The following BRME1 variants were observed in gnomAD, a reference collection of about 807,000 sequenced individuals.
BRME1 encodes BRCA2 and MEILB2-associating protein 1.
Under a neutral mutation model 52.6 loss-of-function variants are expected in BRME1, and 31 were observed. That is an observed-to-expected ratio of 0.59 (90% confidence interval 0.44 to 0.80). BRME1 has a LOEUF of 0.80. Ranked by LOEUF, BRME1 falls within the 30% of genes least tolerant of loss-of-function variation. BRME1 has a pLI of 0.00. For synonymous variants in BRME1, 359 were observed against 353.6 expected, an observed-to-expected ratio of 1.02 and a Z score of -0.17; for missense variants, 804 against 860.3, an observed-to-expected ratio of 0.93 and a Z score of 0.82.
At chr19:13,897,701 A>G (rs1186251018) in intron 2 of BRME1, among the ~76,000 whole-genome samples, 1 of 152,070 alleles carries the variant, frequency 6.6e-6, no homozygotes, top group Non-Finnish European at 1.5e-5. Flanking sequence ...CCCTGTCTAA[A>G]AAGTACGAAA....
intron 6 of BRME1, among the ~76,000 whole-genome samples, chr19:13,886,536 G>A (rs1174404007): frequency 6.6e-6 from 1 of 152,182 alleles, no homozygotes; most frequent in Non-Finnish European, 1.5e-5. Flanking sequence ...TATAACACGA[G>A]GGGAAAACTC....
At chr19:13,890,488 C>T (rs761715891) in intron 5 of BRME1, 26 bp from the exon 6 acceptor site, 13 of 1,453,552 alleles carry the variant, frequency 8.9e-6, no homozygotes, top group Middle Eastern at 1.8e-4. Context: ...GACTCAGCCC[C>T]GGGGCCTTTG....
At chr19:13,905,006 T>G in intron 1 of BRME1, 93 bp from the exon 2 acceptor site, 1 of 1,013,338 alleles carries the variant, frequency 9.9e-7, no homozygotes, top group Non-Finnish European at 1.5e-6. Context: ...TACCCCTACC[T>G]CCACCTCAGC....
intron 3 of BRME1, among the ~76,000 whole-genome samples, chr19:13,893,734 T>C (rs534973721): frequency 4.1e-4 from 62 of 151,896 alleles, no homozygotes; most frequent in Admixed American, 9.2e-4. Flanking sequence ...CTGAGCAACA[T>C]AGTGAGACCC....
intron 7 of BRME1, 36 bp downstream of exon 7, chr19:13,885,925 G>T (rs1377012136): frequency 1.3e-6 from 2 of 1,583,432 alleles, no homozygotes; most frequent in Admixed American, 3.5e-5. Context: ...AATTTGTGAG[G>T]GTCCTGGAGC....
At position 13,883,809 on chromosome 19, in the gene BRME1, C is replaced by T. The variant is rs1233556754; in HGVS notation, c.1764-409G>A. 1.3e-5 allele frequency among the ~76,000 whole-genome samples: 2 copies of T among 151,770 alleles called. No individual in the cohort carries two copies. Among genetic ancestry groups the T allele is most frequent in the African/African-American group, 4.8e-5 (2 of 41,294 alleles). On this transcript the variant is annotated intron_variant, in intron 7 of 8. Coordinates refer to ENST00000586783, the MANE Select transcript of BRME1 (RefSeq NM_001345843.2). The surrounding 1 kb of genome is among the most constrained non-coding windows in gnomAD (Gnocchi z 4.2). ...TCCCCTCGGCTCTAGCCACACTAGACTCCTGGCCATTCCTTGAGCACCTCT... is the reference window on the plus strand; with the variant it reads ...TCCCCTCGGCTCTAGCCACACTAGATTCCTGGCCATTCCTTGAGCACCTCT...
At chr19:13,893,285 T>C in intron 3 of BRME1, 62 bp from the exon 4 acceptor site, 1 of 1,421,396 alleles carries the variant, frequency 7.0e-7, no homozygotes, top group East Asian at 2.5e-5. Flanking sequence ...ACACCTGTAA[T>C]TGCAGCACTT....
intron 2 of BRME1, among the ~76,000 whole-genome samples, chr19:13,896,450 CTTGTA>C (rs1434890824): frequency 1.4e-5 from 2 of 142,040 alleles, no homozygotes; most frequent in Admixed American, 7.2e-5. Context: ...ACATTATATC[CTTGTA>C]TTATATTATA....
In BRME1 at chr19:13,883,433, C is replaced by T. The variant is rs777699202; in HGVS notation, c.1764-33G>A. On this transcript the variant is annotated intron_variant, in intron 7 of 8. Coordinates refer to ENST00000586783, the MANE Select transcript of BRME1 (RefSeq NM_001345843.2). This position sits in a 1 kb window ranked among gnomAD's most constrained non-coding sequence, Gnocchi z 4.2. ...GCAGGGAAGGAAATTGAGAGTGGCC[C>T]GACCTCACTGGACTACCAGAGCTCT... 9.8e-5 allele frequency: 145 copies of T among 1,475,868 alleles called. No homozygotes were observed. Among genetic ancestry groups the T allele is most frequent in the Non-Finnish European group, 1.2e-4 (136 of 1,093,234 alleles). 91.4% of individuals were successfully genotyped at this position (1,475,868 alleles called of 1,614,324 possible).
At chr19:13,896,241 G>A (rs2145195362) in intron 2 of BRME1, among the ~76,000 whole-genome samples, 1 of 151,394 alleles carries the variant, frequency 6.6e-6, no homozygotes, top group African/African-American at 2.4e-5. Context: ...CTGCACTCCA[G>A]CCTGGTTGAC....
intron 2 of BRME1, among the ~76,000 whole-genome samples, chr19:13,901,569 G>A (rs891761842): frequency 1.5e-4 from 22 of 151,672 alleles, no homozygotes; most frequent in African/African-American, 4.8e-4. Flanking sequence ...CATGGTGGCA[G>A]GTACCTGTAA....
intron 5 of BRME1, among the ~76,000 whole-genome samples, chr19:13,890,885 G>A (rs1165590441): frequency 2.6e-5 from 4 of 151,928 alleles, no homozygotes; most frequent in Non-Finnish European, 5.9e-5. Context: ...AAAATTAGTG[G>A]CAAAAACTGC....
chr19:13,885,856 C>G, intron 7 of BRME1, 105 bp downstream of exon 7: 1 of 935,368 alleles, frequency 1.1e-6, no homozygotes, highest in Non-Finnish European at 1.7e-6. Context: ...CTGAGGAAGT[C>G]GAGGCCCAGG....
In BRME1 at chr19:13,889,637, G is replaced by T. The variant is rs145714071; in HGVS notation, c.1219C>A (p.Pro407Thr). 1.2e-6 allele frequency: 2 copies of T among 1,607,546 alleles called. No homozygotes were observed. Among genetic ancestry groups the T allele is most frequent in the Non-Finnish European group, 1.7e-6 (2 of 1,176,528 alleles). Residue 407 changes from proline (P) to threonine (T), a missense_variant, in exon 6 of 9, where the codon CCC (proline) becomes ACC (threonine). Coordinates refer to ENST00000586783, the MANE Select transcript of BRME1 (RefSeq NM_001345843.2). Reference protein sequence around the residue: ...ESGEAGQDGKPPGDVLVGPTA... With the variant: ...ESGEAGQDGKTPGDVLVGPTA... ...GGGCCCACTAGGACATCGCCGGGGGGCTTGCCATCCTGCCCTGCCTCCCCA... is the reference window on the plus strand; with the variant it reads ...GGGCCCACTAGGACATCGCCGGGGGTCTTGCCATCCTGCCCTGCCTCCCCA...
At chr19:13,893,109 T>C in intron 4 of BRME1, 33 bp downstream of exon 4, 2 of 1,566,964 alleles carry the variant, frequency 1.3e-6, no homozygotes, top group Non-Finnish European at 1.7e-6. Context: ...GCAGTGGTGC[T>C]TCTATATCCA....
At chr19:13,889,118 G>A (rs1969252988) in intron 6 of BRME1, 70 bp downstream of exon 6, 3 of 1,404,822 alleles carry the variant, frequency 2.1e-6, no homozygotes, top group East Asian at 4.7e-5. Flanking sequence ...TGCACCGAGT[G>A]AGGAGGGGGC....
intron 3 of BRME1, among the ~76,000 whole-genome samples, chr19:13,893,782 T>C (rs1227795266): frequency 6.6e-6 from 1 of 151,976 alleles, no homozygotes; most frequent in African/African-American, 2.4e-5. Context: ...CTGGACGTGG[T>C]GATGTGTGCC....
At chr19:13,890,816 GAGAT>G (rs1969436590) in intron 5 of BRME1, among the ~76,000 whole-genome samples, 1 of 152,026 alleles carries the variant, frequency 6.6e-6, no homozygotes, top group Admixed American at 6.6e-5. Flanking sequence ...GCAGTGAGCC[GAGAT>G]AGGACTGCAC....
chr19:13,886,355 G>A (rs1969019191), intron 6 of BRME1, among the ~76,000 whole-genome samples: 1 of 152,230 alleles, frequency 6.6e-6, no homozygotes, highest in African/African-American at 2.4e-5. Flanking sequence ...GGCAGTGGGG[G>A]CACCACTGTG....
Sources: gnomAD v4.1 joint callset for allele counts (sites outside exome capture counted in the v4.1 genomes callset) on GRCh38, gnomAD v4.1.1 for gene constraint, Gnocchi (gnomAD v3.1) non-coding constraint, MANE v1.5 for transcripts, NCBI Gene and HGNC (gene_info 2026-07-23, HGNC 2026-07-21) for gene names.